The following RBM19 variants were observed in gnomAD, a reference collection of about 807,000 sequenced individuals.
RBM19 encodes the protein RNA binding motif protein 19.
Under a neutral mutation model 116.8 loss-of-function variants are expected in RBM19, and 94 were observed. The observed-to-expected ratio is 0.80, with a 90% CI of 0.68 to 0.95. RBM19 has a LOEUF of 0.95. Among genes scored for constraint, RBM19 ranks in the 40% least tolerant of loss-of-function variants. The probability of loss-of-function intolerance (pLI) is 0.00; values close to 1 mark genes in which losing one functional copy is unlikely to be tolerated. For missense variants in RBM19, 1,161 were observed against 1,220.7 expected (o/e 0.95, Z 0.73); for synonymous variants, 475 against 494.1 (o/e 0.96, Z 0.51).
chr12:113,872,134 G>A (rs1397795509), intron 21 of RBM19, among the ~76,000 whole-genome samples: 4 of 148,838 alleles, frequency 2.7e-5, no homozygotes, highest in Admixed American at 6.7e-5. Context: ...GTCTCTGCCC[G>A]GCCGCCCATC....
rs2135910758 is a variant in RBM19 at position 113,942,393 on chromosome 12, T to C, written c.1668A>G (p.Glu556=). 2 of 1,609,554 alleles carry C rather than the reference T, an allele frequency of 1.2e-6. No homozygotes were observed. Among genetic ancestry groups the C allele is most frequent in the South Asian group, 2.2e-5 (2 of 91,032 alleles). Residue 556 remains glutamate, a synonymous_variant, in exon 14 of 24, where the codon GAA becomes GAG. Coordinates refer to ENST00000261741, the MANE Select transcript of RBM19 (RefSeq NM_016196.4). ...GCCGCACTTCCTGGACGAGCTGGGT[T>C]TCCCCCAGAGCCACGCGCACGGCCA... ...GSVAVRVALG[E]TQLVQEVRRF... is the part of the protein sequence containing the mutation.
At chr12:113,854,010 A>G (rs1300529114) in intron 22 of RBM19, among the ~76,000 whole-genome samples, 1 of 152,116 alleles carries the variant, frequency 6.6e-6, no homozygotes, top group Admixed American at 6.5e-5. Context: ...AGCTACCCAG[A>G]GCCTGGCGTG....
chr12:113,881,432 A>G (rs1880121239), intron 21 of RBM19, among the ~76,000 whole-genome samples: 1 of 152,194 alleles, frequency 6.6e-6, no homozygotes, highest in Admixed American at 6.5e-5. Context: ...CAGTTTTTCC[A>G]GGACCCAGGT....
intron 23 of RBM19, among the ~76,000 whole-genome samples, chr12:113,841,115 A>G (rs1876431955): frequency 6.6e-6 from 1 of 152,186 alleles, no homozygotes; most frequent in South Asian, 2.1e-4. Flanking sequence ...GTGGAAACAC[A>G]TGGCTCTGAC....
rs112672360 is a variant in RBM19 at position 113,877,154 on chromosome 12, G to A, written c.2559-18258C>T. On this transcript the variant is annotated intron_variant, in intron 21 of 23. Coordinates refer to ENST00000261741, the MANE Select transcript of RBM19 (RefSeq NM_016196.4). ...CAAGACAGGGAAGCTTCTCTAGGGTGTGGAGGTGATTTTACTTGAAACAAG... is the reference window on the plus strand; with the variant it reads ...CAAGACAGGGAAGCTTCTCTAGGGTATGGAGGTGATTTTACTTGAAACAAG... Among the ~76,000 whole-genome samples the A allele has an allele frequency of 4.3e-3, 657 of 152,360 alleles. 7 individuals are homozygous for A. The highest frequency in any genetic ancestry group is 0.014 in the African/African-American group (596 of 41,582).
At chr12:113,830,573 G>A (rs1257749151) in intron 23 of RBM19, among the ~76,000 whole-genome samples, 1 of 27,174 alleles carries the variant, frequency 3.7e-5, no homozygotes, top group African/African-American at 1.5e-4. Context: ...AGGGCTGCGG[G>A]GCGGGGGGGG....
intron 23 of RBM19, among the ~76,000 whole-genome samples, chr12:113,832,604 C>T (rs1396549319): frequency 6.6e-6 from 1 of 152,200 alleles, no homozygotes; most frequent in African/African-American, 2.4e-5. Flanking sequence ...CAGTTTCCCT[C>T]TTTGCCCGCC....
intron 21 of RBM19, among the ~76,000 whole-genome samples, chr12:113,914,685 T>C (rs1882658084): frequency 6.6e-6 from 1 of 152,230 alleles, no homozygotes. Context: ...CCCCTGCCCC[T>C]CTTGCACGTT....
intron 23 of RBM19, among the ~76,000 whole-genome samples, chr12:113,843,391 C>T (rs1412158517): frequency 6.6e-6 from 1 of 152,114 alleles, no homozygotes; most frequent in Non-Finnish European, 1.5e-5. Context: ...AGACCTGGGA[C>T]CCAGGCGACA....
At chr12:113,834,490 C>T (rs1875704611) in intron 23 of RBM19, among the ~76,000 whole-genome samples, 1 of 152,138 alleles carries the variant, frequency 6.6e-6, no homozygotes, top group Admixed American at 6.5e-5. Context: ...CTTTGAAGAG[C>T]CAGAAAGTAA....
downstream of RBM19, chr12:113,817,134 C>CA (rs898928703): frequency 2.8e-4 from 42 of 152,186 alleles, no homozygotes; most frequent in African/African-American, 9.4e-4. Flanking sequence ...GCACAAAAGA[C>CA]AAAAAAGACC....
rs140921570 is a variant in RBM19, at chr12:113,905,698, C to T, written c.2558+9271G>A. On this transcript the variant is annotated intron_variant, in intron 21 of 23. Coordinates refer to ENST00000261741, the MANE Select transcript of RBM19 (RefSeq NM_016196.4). ...ATGGGAGACACTGCAATCACACAGT[C>T]CAGAATACAGAAAGTTAAATAAAAA... 2.1e-3 allele frequency among the ~76,000 whole-genome samples: 321 copies of T among 150,000 alleles called. 1 individual carries two copies. The highest frequency in any genetic ancestry group is 7.5e-3 in the African/African-American group (308 of 40,882).
chr12:113,959,137 G>A, intron 5 of RBM19, 75 bp downstream of exon 5: 1 of 1,529,100 alleles, frequency 6.5e-7, no homozygotes, highest in Non-Finnish European at 8.9e-7. Flanking sequence ...CTGCACAGAG[G>A]GGCCCCCAGT....
intron 23 of RBM19, among the ~76,000 whole-genome samples, chr12:113,838,111 G>C (rs962365120): frequency 2.6e-5 from 4 of 152,214 alleles, no homozygotes; most frequent in African/African-American, 7.2e-5. Context: ...GCTGCAGGGG[G>C]CCAGAGCCTC....
chr12:113,919,982 C>T (rs569306913), intron 19 of RBM19, among the ~76,000 whole-genome samples: 1 of 152,288 alleles, frequency 6.6e-6, no homozygotes, highest in South Asian at 2.1e-4. Flanking sequence ...CTGCCCTGCA[C>T]ACCTCTCTCC....
rs1354684116 is a variant in RBM19 at position 113,929,492 on chromosome 12, T to C, written c.2069-2263A>G. On this transcript the variant is annotated intron_variant, in intron 16 of 23. Coordinates refer to ENST00000261741, the MANE Select transcript of RBM19 (RefSeq NM_016196.4). Reference sequence around the variant, plus strand: ...AATTTACCCAACAAGAGAGACTCCATGGTGTGGCCCTTTGTACTTAAAACC... The same window carrying C: ...AATTTACCCAACAAGAGAGACTCCACGGTGTGGCCCTTTGTACTTAAAACC... Among the ~76,000 whole-genome samples, 6 of 152,278 alleles carry C rather than the reference T, an allele frequency of 3.9e-5. 1 individual carries two copies. The highest frequency in any genetic ancestry group is 3.3e-4 in the Admixed American group (5 of 15,296).
At chr12:113,847,489 G>A (rs1877097458) in intron 22 of RBM19, among the ~76,000 whole-genome samples, 1 of 152,116 alleles carries the variant, frequency 6.6e-6, no homozygotes, top group Non-Finnish European at 1.5e-5. Flanking sequence ...CAGCTGGCGA[G>A]GCAGAGAAAT....
chr12:113,832,899 C>T (rs528118822), intron 23 of RBM19, among the ~76,000 whole-genome samples: 14 of 152,274 alleles, frequency 9.2e-5, no homozygotes, highest in Middle Eastern at 6.8e-3. Context: ...GTGGGGATAA[C>T]GGGCTCTCTT....
chr12:113,958,099 A>G (rs1872135854), intron 5 of RBM19, 49 bp from the exon 6 acceptor site: 13 of 1,555,302 alleles, frequency 8.4e-6, no homozygotes, highest in Non-Finnish European at 1.0e-5. Context: ...AGCAAACCAG[A>G]GGTCAGAGGT....
Sources: allele counts gnomAD v4.1 joint callset (sites outside exome capture counted in the v4.1 genomes callset), GRCh38; gene constraint gnomAD v4.1.1; transcripts MANE v1.5; gene names NCBI Gene and HGNC (gene_info 2026-07-23, HGNC 2026-07-21).